CD247: variants seen among roughly 807,000 people sequenced by gnomAD.
CD247 encodes T-cell surface glycoprotein CD3 zeta chain.
In CD247, 13 loss-of-function variants were observed where a neutral mutation model predicts 30.0. That is an observed-to-expected ratio of 0.43 (90% CI 0.28 to 0.69). The LOEUF (loss-of-function observed/expected upper bound fraction) is 0.69, where lower values mean the gene tolerates loss of function less well. Ranked by LOEUF, CD247 falls within the 30% of genes least tolerant of loss-of-function variation. CD247 has a pLI of 0.16. For synonymous variants in CD247, 72 were observed against 80.0 expected, an observed-to-expected ratio of 0.90 and a Z score of 0.53; for missense variants, 193 against 212.6, an observed-to-expected ratio of 0.91 and a Z score of 0.57.
chr1:167,510,874 T>G (rs1655357019), intron 1 of CD247, among the ~76,000 whole-genome samples: 1 of 152,230 alleles, frequency 6.6e-6, no homozygotes, highest in Admixed American at 6.5e-5. Context: ...GACATCCTGC[T>G]GCAGCACTTG....
chr1:167,490,177 A>T (rs183535668), intron 1 of CD247, among the ~76,000 whole-genome samples: 1 of 152,292 alleles, frequency 6.6e-6, no homozygotes, highest in African/African-American at 2.4e-5. Flanking sequence ...GTGCATTTGG[A>T]AGGCACGGGG....
At position 167,430,709 on chromosome 1, in the gene CD247, T is replaced by C. The variant is rs964582715; in HGVS notation, c.*972A>G. ...AGCATGCCAGTATAAATTAAAACAG[T>C]AGAAAAAAAGCAGAGTAGAGAGCGT... is the stretch of plus-strand genomic sequence containing the variant. On this transcript the variant is annotated 3_prime_UTR_variant, in exon 8 of 8. Transcript: ENST00000362089. 1 of 398,528 alleles carries C rather than the reference T, an allele frequency of 2.5e-6. No homozygotes were observed. Among genetic ancestry groups the C allele is most frequent in the Admixed American group, 4.4e-5 (1 of 22,718 alleles). The allele number at this position is 398,528 out of a possible 1,614,324, so 24.7% of individuals were successfully genotyped here.
intron 1 of CD247, among the ~76,000 whole-genome samples, chr1:167,504,098 C>CG (rs1028667793): frequency 7.9e-5 from 12 of 152,078 alleles, no homozygotes; most frequent in Admixed American, 3.9e-4. Context: ...CGGTTCATGG[C>CG]GGGGGGAGCG....
At chr1:167,445,776 G>T (rs915189390) in intron 1 of CD247, among the ~76,000 whole-genome samples, 7 of 152,190 alleles carry the variant, frequency 4.6e-5, no homozygotes, top group African/African-American at 1.7e-4. Context: ...CATACCCTGA[G>T]GCTGAAAATA....
In CD247 at chr1:167,435,420, G is replaced by T. The variant is rs754935006; in HGVS notation, c.315C>A (p.Asn105Lys). The T allele has an allele frequency of 1.2e-6, 2 of 1,612,550 alleles. No homozygotes were observed. Among genetic ancestry groups the T allele is most frequent in the Non-Finnish European group, 1.7e-6 (2 of 1,178,552 alleles). ...EMGGKPQRRK[N>K]PQEGLYNELQ... ...TCACATTGTACAGGCCTTCCTGAGG[G>T]TTCTTCCTTCTCTGCTAGGAAAGAC... is the stretch of plus-strand genomic sequence containing the variant. Residue 105 changes from asparagine to lysine, a missense_variant, in exon 5 of 8, where the codon AAC (asparagine) becomes AAA (lysine). Asn to Lys is a moderately conservative substitution (Grantham distance 94). Transcript: ENST00000362089.
chr1:167,470,247 T>C (rs917487458), intron 1 of CD247, among the ~76,000 whole-genome samples: 9 of 152,220 alleles, frequency 5.9e-5, no homozygotes, highest in African/African-American at 2.2e-4. Context: ...ATCCGTATAC[T>C]GTTGACCCCA....
intron 1 of CD247, among the ~76,000 whole-genome samples, chr1:167,466,410 G>A (rs972246307): frequency 1.3e-5 from 2 of 150,056 alleles, no homozygotes; most frequent in Non-Finnish European, 2.9e-5. Flanking sequence ...TACCACATTC[G>A]TCTTTTTTTT....
In CD247 at chr1:167,431,440, C is replaced by T. The variant is rs1009813071; in HGVS notation, c.*241G>A. On this transcript the variant is annotated 3_prime_UTR_variant, in exon 8 of 8. Coordinates refer to ENST00000362089, the MANE Select transcript of CD247 (RefSeq NM_198053.3). ...CCAGGAGACAGGTCTACCTGCACCACCGGCAAACCAGAGGGCCCAAGGCCA... is the reference window on the plus strand; with the variant it reads ...CCAGGAGACAGGTCTACCTGCACCATCGGCAAACCAGAGGGCCCAAGGCCA... The T allele has an allele frequency of 1.5e-5, 9 of 606,486 alleles. No individual in the cohort carries two copies. The highest frequency in any genetic ancestry group is 1.5e-4 in the African/African-American group (8 of 54,034). 37.6% of individuals were successfully genotyped at this position (606,486 alleles called of 1,614,324 possible).
chr1:167,518,308 A>G (rs1397477003), intron 1 of CD247, 100 bp downstream of exon 1: 12 of 1,099,210 alleles, frequency 1.1e-5, no homozygotes, highest in Admixed American at 1.1e-4. Context: ...GATTTGAAGG[A>G]GACCCCAGCC....
intron 1 of CD247, among the ~76,000 whole-genome samples, chr1:167,499,072 A>G (rs1356099437): frequency 6.6e-6 from 1 of 152,096 alleles, no homozygotes; most frequent in Non-Finnish European, 1.5e-5. Flanking sequence ...TCATGGCCTA[A>G]TCATCACGGA....
intron 1 of CD247, among the ~76,000 whole-genome samples, chr1:167,490,703 C>A (rs1159896359): frequency 6.6e-6 from 1 of 152,076 alleles, no homozygotes; most frequent in Non-Finnish European, 1.5e-5. Flanking sequence ...GAGGCTGAGA[C>A]GGGCAGATCA....
chr1:167,452,251 C>T (rs192560304), intron 1 of CD247, among the ~76,000 whole-genome samples: 2 of 151,154 alleles, frequency 1.3e-5, no homozygotes, highest in Admixed American at 6.6e-5. Context: ...AAACAAAAAC[C>T]ATCTCTAATA....
chr1:167,496,294 A>T lies in CD247; in HGVS notation c.58+22114T>A, dbSNP rs528891812. On this transcript the variant is annotated intron_variant, in intron 1 of 7. Coordinates refer to ENST00000362089, the MANE Select transcript of CD247 (RefSeq NM_198053.3). ...AAGTCTGGATTTCCATTCATCAAAG[A>T]AGCTATCGAGTGTGAGTTCTGTTGG... Among the ~76,000 whole-genome samples, 3 of 152,084 alleles carry T rather than the reference A, an allele frequency of 2.0e-5. No homozygotes were observed. In the South Asian group the frequency reaches 6.2e-4, roughly 32 times the overall value.
intron 1 of CD247, among the ~76,000 whole-genome samples, chr1:167,493,082 G>A (rs1196058220): frequency 2.7e-5 from 3 of 112,712 alleles, no homozygotes; most frequent in East Asian, 3.0e-4. Context: ...TCACTCTGTC[G>A]CCCAGGCTGG....
chr1:167,473,880 G>A (rs889639404), intron 1 of CD247, among the ~76,000 whole-genome samples: 1 of 152,092 alleles, frequency 6.6e-6, no homozygotes, highest in Non-Finnish European at 1.5e-5. Flanking sequence ...TGCTAGCTCT[G>A]GCCTTGGAAA....
At chr1:167,435,813 T>C (rs775101200) in intron 4 of CD247, among the ~76,000 whole-genome samples, 2 of 152,226 alleles carry the variant, frequency 1.3e-5, no homozygotes, top group Admixed American at 6.5e-5. Context: ...GAGTGCCTAC[T>C]GAAAGGTGCC....
chr1:167,460,346 TGAACCA>T (rs1450972528), intron 1 of CD247, among the ~76,000 whole-genome samples: 1 of 151,996 alleles, frequency 6.6e-6, no homozygotes, highest in African/African-American at 2.4e-5. Context: ...CAGGCTGCAG[TGAACCA>T]AGATCACATC....
At chr1:167,480,001 A>T (rs1431105447) in intron 1 of CD247, among the ~76,000 whole-genome samples, 1 of 152,170 alleles carries the variant, frequency 6.6e-6, no homozygotes, top group African/African-American at 2.4e-5. Context: ...CTGAGAGCGG[A>T]CTCAGAATCC....
At chr1:167,463,712 T>A (rs1773542) in intron 1 of CD247, among the ~76,000 whole-genome samples, 1 of 152,116 alleles carries the variant, frequency 6.6e-6, no homozygotes, top group Non-Finnish European at 1.5e-5. Context: ...GACCCCATTG[T>A]AATGATTGGT....
Sources: gnomAD v4.1 joint callset for allele counts (sites outside exome capture counted in the v4.1 genomes callset) on GRCh38, gnomAD v4.1.1 for gene constraint, MANE v1.5 for transcripts, NCBI Gene and HGNC (gene_info 2026-07-23, HGNC 2026-07-21) for gene names.